CRIM1: variants seen among roughly 807,000 people sequenced by gnomAD.
The protein encoded by CRIM1 is cysteine-rich motor neuron 1 protein.
Under a neutral mutation model 116.4 loss-of-function variants are expected in CRIM1, and 32 were observed. That is an observed-to-expected ratio of 0.27 (90% CI 0.21 to 0.37). The LOEUF (loss-of-function observed/expected upper bound fraction) is 0.37. Ranked by LOEUF, CRIM1 falls within the 10% of genes least tolerant of loss-of-function variation. The pLI is 1.00. For missense variants in CRIM1, 1,331 were observed against 1,354.8 expected (o/e 0.98, Z 0.28); for synonymous variants, 590 against 509.2 (o/e 1.16, Z -2.13).
chr2:36,531,839 T>G (rs1378927922), intron 13 of CRIM1: 2 of 464,650 alleles, frequency 4.3e-6, no homozygotes, highest in African/African-American at 4.0e-5. Flanking sequence ...TAATCATATG[T>G]GATGCAAGAT....
chr2:36,511,261 G>A (rs1175311517), intron 9 of CRIM1, among the ~76,000 whole-genome samples: 1 of 151,960 alleles, frequency 6.6e-6, no homozygotes, highest in Non-Finnish European at 1.5e-5. Context: ...AATTATAAGG[G>A]ACTTAGACCT....
At chr2:36,449,797 G>A (rs750014079) in intron 4 of CRIM1, among the ~76,000 whole-genome samples, 4 of 151,692 alleles carry the variant, frequency 2.6e-5, no homozygotes, top group Non-Finnish European at 4.4e-5. Context: ...TATATGGCTC[G>A]CCTAGGGATA....
intron 16 of CRIM1, 51 bp from the exon 17 acceptor site, chr2:36,548,474 A>C (rs146942889): frequency 7.3e-5 from 102 of 1,390,288 alleles, no homozygotes; most frequent in African/African-American, 8.7e-5. Flanking sequence ...CATTTGAGAT[A>C]ATGTAAAGCA....
chr2:36,397,974 C>G (rs1672148148), intron 2 of CRIM1, among the ~76,000 whole-genome samples: 1 of 152,138 alleles, frequency 6.6e-6, no homozygotes, highest in Non-Finnish European at 1.5e-5. Context: ...CCTGTCACAT[C>G]ATGACTTAAA....
At chr2:36,376,760 C>T (rs981978938) in intron 1 of CRIM1, among the ~76,000 whole-genome samples, 1 of 152,158 alleles carries the variant, frequency 6.6e-6, no homozygotes, top group Non-Finnish European at 1.5e-5. Flanking sequence ...TTTCTTTTCC[C>T]TTTCTTTTGG....
At chr2:36,373,068 G>C (rs551492872) in intron 1 of CRIM1, among the ~76,000 whole-genome samples, 30 of 152,234 alleles carry the variant, frequency 2.0e-4, no homozygotes, top group Middle Eastern at 6.8e-3. Context: ...TTTCAGTGTT[G>C]CCTTCTCTAA....
At chr2:36,513,060 T>A (rs1324508865) in intron 10 of CRIM1, among the ~76,000 whole-genome samples, 2 of 152,198 alleles carry the variant, frequency 1.3e-5, no homozygotes, top group Non-Finnish European at 2.9e-5. Context: ...AAACTTTGTT[T>A]TACGATTTTT....
intron 1 of CRIM1, among the ~76,000 whole-genome samples, chr2:36,393,181 C>G (rs1671750659): frequency 1.3e-5 from 2 of 152,122 alleles, no homozygotes; most frequent in Admixed American, 6.5e-5. Context: ...AAGTTGAAGT[C>G]TTAGAGCTGA....
In CRIM1 at chr2:36,471,726, AACAC is replaced by A. The variant is rs59120248; in HGVS notation, c.992-5132_992-5129del. Among the ~76,000 whole-genome samples, 181 of 78,922 alleles carry A rather than the reference AACAC, an allele frequency of 2.3e-3. 2 individuals are homozygous for A. Among genetic ancestry groups the A allele is most frequent in the African/African-American group, 9.7e-3 (167 of 17,134 alleles). The allele number at this position is 78,922 out of a possible 152,430, so 51.8% of individuals were successfully genotyped here. The stretch of plus-strand genomic sequence containing the variant: ...ACACTAATGATAGCTGATTAGCTTA[AACAC>A]ACACACACACACACACACACACACA... On this transcript the variant is annotated intron_variant, in intron 5 of 16. Coordinates refer to ENST00000280527, the MANE Select transcript of CRIM1 (RefSeq NM_016441.3).
chr2:36,524,517 G>C (rs1160225103), intron 13 of CRIM1, among the ~76,000 whole-genome samples: 2 of 152,088 alleles, frequency 1.3e-5, no homozygotes, highest in African/African-American at 4.8e-5. Flanking sequence ...AAGTCAACCA[G>C]GGATACTTAT....
chr2:36,491,890 AAAGAAT>A (rs1364085912), intron 7 of CRIM1, among the ~76,000 whole-genome samples: 2 of 152,204 alleles, frequency 1.3e-5, no homozygotes, highest in Non-Finnish European at 2.9e-5. Flanking sequence ...TTAGCAATAA[AAAGAAT>A]AAGAATAAAA....
rs758773834 is a variant in CRIM1 at position 36,517,397 on chromosome 2, T to C, written c.2061T>C (p.Phe687=). 5.6e-6 allele frequency: 9 copies of C among 1,614,102 alleles called. No homozygotes were observed. The highest frequency in any genetic ancestry group is 4.4e-5 in the South Asian group (4 of 91,092). The stretch of plus-strand genomic sequence containing the variant: ...GCCACGCCCCTGGAGGAGAATACTT[T>C]GTGGAAGGAGAAACGTGGAACATTG... The part of the protein sequence containing the change: ...SICHAPGGEY[F]VEGETWNIDS... The change falls in exon 12 of 17, where the codon TTT becomes TTC. Residue 687 remains phenylalanine (F), a synonymous_variant. Transcript: ENST00000280527.
chr2:36,404,901 G>A (rs1672673306), intron 2 of CRIM1, among the ~76,000 whole-genome samples: 1 of 152,068 alleles, frequency 6.6e-6, no homozygotes, highest in Non-Finnish European at 1.5e-5. Context: ...AATATCATGA[G>A]TTTTTTATTC....
At chr2:36,382,125 A>G (rs1450706336) in intron 1 of CRIM1, among the ~76,000 whole-genome samples, 1 of 152,132 alleles carries the variant, frequency 6.6e-6, no homozygotes, top group Non-Finnish European at 1.5e-5. Context: ...CTCCTAATTA[A>G]AGCCTTTGGC....
intron 4 of CRIM1, among the ~76,000 whole-genome samples, chr2:36,443,552 T>C (rs1301848310): frequency 6.6e-6 from 1 of 152,228 alleles, no homozygotes; most frequent in Non-Finnish European, 1.5e-5. Flanking sequence ...TTTTCAGCTT[T>C]CGTTCTGCGT....
chr2:36,374,244 AAAGGTG>A (rs1417004495), intron 1 of CRIM1, among the ~76,000 whole-genome samples: 1 of 152,232 alleles, frequency 6.6e-6, no homozygotes, highest in Admixed American at 6.5e-5. Flanking sequence ...TCACTCAGAA[AAAGGTG>A]TTATCTAAAT....
chr2:36,523,679 T>G (rs848522), intron 13 of CRIM1, among the ~76,000 whole-genome samples: 70,310 of 152,066 alleles, frequency 0.46, 16,921 homozygotes, highest in East Asian at 0.82. Flanking sequence ...AATTGCACAT[T>G]TATTGTTGGG....
intron 13 of CRIM1, among the ~76,000 whole-genome samples, chr2:36,532,846 T>A (rs927943622): frequency 6.6e-6 from 1 of 152,204 alleles, no homozygotes; most frequent in Non-Finnish European, 1.5e-5. Context: ...TTGATGCAGG[T>A]AACATGCTTA....
chr2:36,512,393 AG>A lies in CRIM1; in HGVS notation c.1780+1del. 1 of 1,611,990 alleles carries A rather than the reference AG, an allele frequency of 6.2e-7. No individual in the cohort carries two copies. The highest frequency in any genetic ancestry group is 8.5e-7 in the Non-Finnish European group (1 of 1,178,274). On this transcript the variant is annotated frameshift_variant and splice_region_variant, in exon 10 of 17. Transcript: ENST00000280527. LOFTEE classifies it high-confidence loss of function. ...SHGCLICKCREASASAGPPIL... is the reference protein window; with the variant it reads ...SHGCLICKCRXASASAGPPIL... ...ACGGCTGTCTTATCTGCAAGTGCAG[AG>A]GTAAGTGTGTACACATGGCCCTTCC...
Sources: allele counts gnomAD v4.1 joint callset (sites outside exome capture counted in the v4.1 genomes callset), GRCh38; gene constraint gnomAD v4.1.1; transcripts MANE v1.5; gene names NCBI Gene and HGNC (gene_info 2026-07-23, HGNC 2026-07-21).